ELK3: variants seen among roughly 807,000 people sequenced by gnomAD.
The protein encoded by ELK3 is ETS transcription factor ELK3, also known as ETS domain-containing protein Elk-3.
ELK3 carries 10 observed loss-of-function variants against 28.9 expected under a neutral mutation model. The ratio of observed to expected loss-of-function variants is 0.35; its 90% CI spans 0.21 to 0.59. The LOEUF (loss-of-function observed/expected upper bound fraction) is 0.59. Ranked by LOEUF, ELK3 falls within the 20% of genes least tolerant of loss-of-function variation. ELK3 has a pLI of 0.82. For synonymous variants in ELK3, 272 were observed against 243.5 expected (o/e 1.12, Z -1.09); for missense variants, 463 against 517.3 (o/e 0.90, Z 1.02).
At chr12:96,245,985 A>C (rs987969708) in intron 2 of ELK3, among the ~76,000 whole-genome samples, 7 of 152,228 alleles carry the variant, frequency 4.6e-5, no homozygotes, top group African/African-American at 7.2e-5. Context: ...CAAAGTAGAC[A>C]ATTCGTTTTC....
intron 2 of ELK3, among the ~76,000 whole-genome samples, chr12:96,225,861 A>G (rs751964088): frequency 6.6e-6 from 1 of 152,224 alleles, no homozygotes; most frequent in Admixed American, 6.5e-5. Context: ...CAGGCTGGGC[A>G]TAGTGCCTCA....
At position 96,268,240 on chromosome 12, in the gene ELK3, T is replaced by TTGA. The variant is rs1292086682; in HGVS notation, c.*1063_*1065dup. On this transcript the variant is annotated 3_prime_UTR_variant, in exon 5 of 5. Transcript: ENST00000228741. ...CAGTATAGGTAGGTGTTCACAATTT[T>TTGA]TGATGGATCAAAAACTTGCTGTAAT... is the stretch of plus-strand genomic sequence containing the variant. 6.6e-6 allele frequency: 1 copy of TTGA among 152,242 alleles called. No individual in the cohort carries two copies. Among genetic ancestry groups the TTGA allele is most frequent in the East Asian group, 1.9e-4 (1 of 5,204 alleles). The allele number at this position is 152,242 out of a possible 1,614,324, so 9.4% of individuals were successfully genotyped here.
chr12:96,236,444 C>T (rs574353523), intron 2 of ELK3, among the ~76,000 whole-genome samples: 8 of 152,286 alleles, frequency 5.3e-5, no homozygotes, highest in Non-Finnish European at 4.4e-5. Flanking sequence ...TTTACCGGTG[C>T]CAGAAAGCAA....
intron 2 of ELK3, among the ~76,000 whole-genome samples, chr12:96,234,140 C>A (rs1404898173): frequency 1.3e-5 from 2 of 152,158 alleles, no homozygotes; most frequent in Non-Finnish European, 2.9e-5. Context: ...GAGCAGGGGG[C>A]TGCGTGTTGA....
At chr12:96,207,876 C>T (rs979243409) in intron 1 of ELK3, among the ~76,000 whole-genome samples, 2 of 152,204 alleles carry the variant, frequency 1.3e-5, no homozygotes, top group South Asian at 4.1e-4. Flanking sequence ...TTCAAATATG[C>T]TGTAAAGTGT....
At chr12:96,210,515 C>G (rs1472618168) in intron 1 of ELK3, among the ~76,000 whole-genome samples, 5 of 151,600 alleles carry the variant, frequency 3.3e-5, no homozygotes, top group African/African-American at 7.3e-5. Context: ...TAGCTCACTT[C>G]TGTTTCCTCT....
chr12:96,255,268 T>C (rs1951939077), intron 3 of ELK3, among the ~76,000 whole-genome samples: 1 of 152,122 alleles, frequency 6.6e-6, no homozygotes, highest in Non-Finnish European at 1.5e-5. Flanking sequence ...GGGGCCATGC[T>C]GAGTTTGAGG....
At chr12:96,255,883 G>C (rs1365250245) in intron 3 of ELK3, among the ~76,000 whole-genome samples, 2 of 152,138 alleles carry the variant, frequency 1.3e-5, no homozygotes, top group African/African-American at 4.8e-5. Context: ...CATCTGATGA[G>C]AATTTACGGT....
At chr12:96,221,148 A>G (rs1951658825) in intron 1 of ELK3, among the ~76,000 whole-genome samples, 1 of 152,214 alleles carries the variant, frequency 6.6e-6, no homozygotes, top group Non-Finnish European at 1.5e-5. Flanking sequence ...GCAGGGCTAC[A>G]CAGTCACCTA....
chr12:96,208,973 G>A (rs1486708055), intron 1 of ELK3, among the ~76,000 whole-genome samples: 2 of 152,176 alleles, frequency 1.3e-5, no homozygotes, highest in African/African-American at 4.8e-5. Flanking sequence ...CAGACTTCCC[G>A]GTCCCCAGGA....
In ELK3 at chr12:96,247,659, C is replaced by T. The variant is rs372103101; in HGVS notation, c.927C>T (p.Thr309=). ...CGCCCCCGCTGGTGCTCTCCGGCAC[C>T]GACATCGGCTCCATCGCCCTCAACA... The part of the protein sequence containing the change: ...ISAPPLVLSG[T]DIGSIALNSP... The change falls in exon 3 of 5, where the codon ACC becomes ACT. Residue 309 remains threonine, a synonymous_variant. Transcript: ENST00000228741. This position sits in a 1 kb window ranked among gnomAD's most constrained non-coding sequence, Gnocchi z 5.5. 2.5e-5 allele frequency: 41 copies of T among 1,612,420 alleles called. No homozygotes were observed. Among genetic ancestry groups the T allele is most frequent in the Non-Finnish European group, 3.4e-5 (40 of 1,179,936 alleles).
At chr12:96,237,611 G>A (rs191901450) in intron 2 of ELK3, among the ~76,000 whole-genome samples, 1 of 152,332 alleles carries the variant, frequency 6.6e-6, no homozygotes, top group Non-Finnish European at 1.5e-5. Flanking sequence ...CCATAGGAGA[G>A]TGTGTATTCA....
intron 1 of ELK3, among the ~76,000 whole-genome samples, chr12:96,208,478 C>T (rs1951553746): frequency 6.6e-6 from 1 of 152,210 alleles, no homozygotes. Context: ...TGGCGTCTCT[C>T]CTTCTCCAGG....
At chr12:96,205,562 C>T (rs960659833) in intron 1 of ELK3, among the ~76,000 whole-genome samples, 3 of 152,188 alleles carry the variant, frequency 2.0e-5, no homozygotes, top group African/African-American at 7.2e-5. Flanking sequence ...CAGCCTCGAG[C>T]TCCTGGGCTC....
At chr12:96,218,448 G>A (rs1176760100) in intron 1 of ELK3, among the ~76,000 whole-genome samples, 1 of 152,076 alleles carries the variant, frequency 6.6e-6, no homozygotes, top group East Asian at 1.9e-4. Flanking sequence ...GGGAATAATA[G>A]ACTGGGGACT....
rs1689219791 is a variant in ELK3, at chr12:96,267,806, AG to A, written c.*627del. The stretch of plus-strand genomic sequence containing the variant: ...CAAGTAATGTTTTTATAATAAACTA[AG>A]CCATATTTAGACAATAAACATTGAT... On this transcript the variant is annotated 3_prime_UTR_variant, in exon 5 of 5. Transcript: ENST00000228741. The A allele has an allele frequency of 6.8e-6, 1 of 148,068 alleles. No homozygotes were observed. Among genetic ancestry groups the A allele is most frequent in the Non-Finnish European group, 1.5e-5 (1 of 67,116 alleles). 9.2% of individuals were successfully genotyped at this position (148,068 alleles called of 1,614,324 possible). A position where few individuals can be genotyped will look rare whatever the true frequency, so the allele number is the denominator to read the frequency against.
At position 96,219,255 on chromosome 12, in the gene ELK3, T is replaced by C. The variant is rs765426331; in HGVS notation, c.-2-4310T>C. ...TTATTGTACCTGCCTGTTAAGACATTGGACTTCATTAAGGATTCTAGGTAT... is the reference window on the plus strand; with the variant it reads ...TTATTGTACCTGCCTGTTAAGACATCGGACTTCATTAAGGATTCTAGGTAT... On this transcript the variant is annotated intron_variant, in intron 1 of 4. Coordinates refer to ENST00000228741, the MANE Select transcript of ELK3 (RefSeq NM_005230.4). 2.6e-4 allele frequency among the ~76,000 whole-genome samples: 39 copies of C among 152,250 alleles called. No homozygotes were observed. In the Middle Eastern group the frequency reaches 0.01, roughly 40 times the overall value.
rs1951775958 is a variant in ELK3, at chr12:96,235,441, A to G, written c.208-11499A>G. ...TCTTACCATTTCCTGCATCCTGCAG[A>G]GCCGAGGGCGTGGCAGCACCAATCA... On this transcript the variant is annotated intron_variant, in intron 2 of 4. Transcript: ENST00000228741. 2.0e-5 allele frequency among the ~76,000 whole-genome samples: 3 copies of G among 152,204 alleles called. No individual in the cohort carries two copies. In the South Asian group the frequency reaches 6.2e-4, roughly 32 times the overall value.
Position 96,269,072 on chromosome 12 carries a change from C to G in ELK3, c.*1892C>G, listed in dbSNP as rs1952065054. ...TGCTTCCCGCCACCTGTTTCCAGCTCAAGACAGGTGCACAGCAGAAGCTGG... is the reference window on the plus strand; with the variant it reads ...TGCTTCCCGCCACCTGTTTCCAGCTGAAGACAGGTGCACAGCAGAAGCTGG... On this transcript the variant is annotated 3_prime_UTR_variant, in exon 5 of 5. Transcript: ENST00000228741. 1.3e-5 allele frequency: 2 copies of G among 152,184 alleles called. No homozygotes were observed. The highest frequency in any genetic ancestry group is 1.3e-4 in the Admixed American group (2 of 15,268). 9.4% of individuals were successfully genotyped at this position (152,184 alleles called of 1,614,324 possible).
Sources: gnomAD v4.1 joint callset for allele counts (sites outside exome capture counted in the v4.1 genomes callset) on GRCh38, gnomAD v4.1.1 for gene constraint, Gnocchi (gnomAD v3.1) non-coding constraint, MANE v1.5 for transcripts, NCBI Gene and HGNC (gene_info 2026-07-23, HGNC 2026-07-21) for gene names.